Variants in TCERG1L observed in about 807,000 individuals in gnomAD.
The protein encoded by TCERG1L is transcription elongation regulator 1-like protein.
Under a neutral mutation model 56.3 loss-of-function variants are expected in TCERG1L, and 37 were observed. That is an observed-to-expected ratio of 0.66 (90% confidence interval 0.51 to 0.87). TCERG1L has a LOEUF of 0.87. TCERG1L is among the 40% of genes least tolerant of loss of function. The pLI, the probability that TCERG1L is intolerant of heterozygous loss-of-function variation, is 0.00. For synonymous variants in TCERG1L, 324 were observed against 326.3 expected, an observed-to-expected ratio of 0.99 and a Z score of 0.08; for missense variants, 799 against 774.2, an observed-to-expected ratio of 1.03 and a Z score of -0.38.
chr10:131,096,241 A>G (rs942487228), intron 11 of TCERG1L, among the ~76,000 whole-genome samples: 4 of 152,192 alleles, frequency 2.6e-5, no homozygotes, highest in African/African-American at 9.7e-5. Flanking sequence ...CAAGGCAGAG[A>G]AGGGGCTCCA....
Position 131,192,029 on chromosome 10 carries a change from G to A in TCERG1L, c.857-25144C>T, listed in dbSNP as rs1845309536. Among the ~76,000 whole-genome samples, 3 of 142,032 alleles carry A rather than the reference G, an allele frequency of 2.1e-5. 1 individual carries two copies. The highest frequency in any genetic ancestry group is 1.9e-4 in the East Asian group (1 of 5,178). The allele number at this position is 142,032 out of a possible 152,430, so 93.2% of individuals were successfully genotyped here. A position where few individuals can be genotyped will look rare whatever the true frequency, so the allele number is the denominator to read the frequency against. On this transcript the variant is annotated intron_variant, in intron 4 of 11. Transcript: ENST00000368642. ...AACAAAACCAAAAATAAATAAATGC[G>A]ACCTTATTAAACTAAAAAAGCTTCT...
intron 4 of TCERG1L, among the ~76,000 whole-genome samples, chr10:131,177,903 G>GA (rs1292954388): frequency 3.3e-5 from 5 of 151,052 alleles, no homozygotes; most frequent in Non-Finnish European, 5.9e-5. Flanking sequence ...ACTGCACACA[G>GA]GAGCCGTCAG....
At chr10:131,148,762 A>G (rs1353421133) in intron 6 of TCERG1L, among the ~76,000 whole-genome samples, 1 of 152,236 alleles carries the variant, frequency 6.6e-6, no homozygotes, top group Admixed American at 6.5e-5. Flanking sequence ...AGGCTCCAGA[A>G]GGATCCAGCC....
chr10:131,111,219 C>G, intron 9 of TCERG1L, among the ~76,000 whole-genome samples: 1 of 142,764 alleles, frequency 7.0e-6, no homozygotes, highest in Non-Finnish European at 1.6e-5. Flanking sequence ...GGCACACTCA[C>G]GTGCATCTGC....
chr10:131,299,089 T>G (rs1846729967), intron 3 of TCERG1L, among the ~76,000 whole-genome samples: 1 of 152,222 alleles, frequency 6.6e-6, no homozygotes, highest in Non-Finnish European at 1.5e-5. Flanking sequence ...TTTTTATCCC[T>G]AGTAATACTT....
chr10:131,207,670 G>A (rs151297099), intron 4 of TCERG1L, among the ~76,000 whole-genome samples: 194 of 152,290 alleles, frequency 1.3e-3, no homozygotes, highest in African/African-American at 4.4e-3. Flanking sequence ...AGATGTGTCC[G>A]CTTCCTGTGA....
Position 131,192,801 on chromosome 10 carries a change from A to G in TCERG1L, c.857-25916T>C, listed in dbSNP as rs1372248383. On this transcript the variant is annotated intron_variant, in intron 4 of 11. Coordinates refer to ENST00000368642, the MANE Select transcript of TCERG1L (RefSeq NM_174937.4). ...ATGTTCTCACTTATAAGTGGGAGCT[A>G]AGCTATGAGTATGCGAAAGCATACA... Among the ~76,000 whole-genome samples, 8 of 144,184 alleles carry G rather than the reference A, an allele frequency of 5.5e-5. 1 individual carries two copies. Among genetic ancestry groups the G allele is most frequent in the African/African-American group, 2.1e-4 (8 of 38,212 alleles). 94.6% of individuals were successfully genotyped at this position (144,184 alleles called of 152,430 possible).
chr10:131,143,424 C>T (rs7910178), intron 7 of TCERG1L, among the ~76,000 whole-genome samples: 30,038 of 152,108 alleles, frequency 0.2, 3,373 homozygotes, highest in Middle Eastern at 0.3. Context: ...TCCCTCGCCT[C>T]TCCTCCCTCC....
chr10:131,276,055 G>T (rs910487890), intron 3 of TCERG1L, among the ~76,000 whole-genome samples: 3 of 152,222 alleles, frequency 2.0e-5, no homozygotes, highest in Admixed American at 2.0e-4. Context: ...TATGCAGCAG[G>T]TGCTTAACAC....
At chr10:131,185,082 C>T (rs1023176102) in intron 4 of TCERG1L, among the ~76,000 whole-genome samples, 13 of 151,812 alleles carry the variant, frequency 8.6e-5, no homozygotes, top group South Asian at 6.3e-4. Flanking sequence ...GGTGACAGAG[C>T]GAGACCCTAT....
rs1417652630 is a variant in TCERG1L at position 131,309,203 on chromosome 10, C to A, written c.439G>T (p.Ala147Ser). The A allele has an allele frequency of 1.2e-6, 2 of 1,610,862 alleles. No individual in the cohort carries two copies. Among genetic ancestry groups the A allele is most frequent in the African/African-American group, 1.3e-5 (1 of 74,668 alleles). ...VFPHLCPSAL[A>S]TPIGKSWIDK... Reference sequence around the variant, plus strand: ...ATCCAACTTTTCCCAATAGGGGTTGCAAGAGCAGAAGGGCAGAGATGTGGG... The same window carrying A: ...ATCCAACTTTTCCCAATAGGGGTTGAAAGAGCAGAAGGGCAGAGATGTGGG... Residue 147 changes from alanine to serine, a missense_variant, in exon 2 of 12, where the codon GCA (alanine) becomes TCA (serine). Transcript: ENST00000368642.
chr10:131,206,602 C>T (rs1033534271), intron 4 of TCERG1L, among the ~76,000 whole-genome samples: 1 of 152,096 alleles, frequency 6.6e-6, no homozygotes, highest in Non-Finnish European at 1.5e-5. Flanking sequence ...CAGTGGGCAG[C>T]ATGTGAAGGA....
rs567044743 is a variant in TCERG1L at position 131,142,542 on chromosome 10, T to C, written c.1189+3964A>G. Among the ~76,000 whole-genome samples, 4 of 152,314 alleles carry C rather than the reference T, an allele frequency of 2.6e-5. No individual in the cohort carries two copies. In the East Asian group the frequency reaches 7.7e-4, roughly 29 times the overall value. On this transcript the variant is annotated intron_variant, in intron 7 of 11. Transcript: ENST00000368642. ...GCGTTTACAGAGCAATTAAGCCCAG[T>C]GAGGTTCATGTCATCTGCCCGCAGA...
At position 131,134,932 on chromosome 10, in the gene TCERG1L, A is replaced by T. The variant is rs1020698894; in HGVS notation, c.1190-484T>A. Among the ~76,000 whole-genome samples, 5 of 152,240 alleles carry T rather than the reference A, an allele frequency of 3.3e-5. No homozygotes were observed. In the South Asian group the frequency reaches 1.0e-3, roughly 32 times the overall value. On this transcript the variant is annotated intron_variant, in intron 7 of 11. Coordinates refer to ENST00000368642, the MANE Select transcript of TCERG1L (RefSeq NM_174937.4). ...AGATAACGAGATTCCCCTACCCCAC[A>T]TGTGGCCATGCCTCACTATGGACGC...
chr10:131,206,129 TAAG>T (rs952548025), intron 4 of TCERG1L, among the ~76,000 whole-genome samples: 5 of 152,234 alleles, frequency 3.3e-5, no homozygotes, highest in African/African-American at 1.2e-4. Flanking sequence ...GGCTCTGGAA[TAAG>T]AAGTACAGGC....
chr10:131,293,263 C>T (rs1395974888), intron 3 of TCERG1L, among the ~76,000 whole-genome samples: 1 of 152,136 alleles, frequency 6.6e-6, no homozygotes. Context: ...AAGCTAACTT[C>T]TGCATTGCTG....
intron 4 of TCERG1L, among the ~76,000 whole-genome samples, chr10:131,195,444 G>A (rs932327389): frequency 2.0e-5 from 3 of 152,202 alleles, no homozygotes; most frequent in African/African-American, 4.8e-5. Context: ...GGAAATCTCC[G>A]CTTTTCAAGG....
At chr10:131,158,314 GT>G (rs1261359540) in intron 6 of TCERG1L, among the ~76,000 whole-genome samples, 1 of 152,222 alleles carries the variant, frequency 6.6e-6, no homozygotes, top group Non-Finnish European at 1.5e-5. Context: ...TGCTGGAGGA[GT>G]TTCACCTTTG....
Position 131,217,623 on chromosome 10 carries a change from G to A in TCERG1L, c.856+42636C>T, listed in dbSNP as rs184386219. On this transcript the variant is annotated intron_variant, in intron 4 of 11. Transcript: ENST00000368642. ...TGTGTGCCCAGAAACCAGGACGGTG[G>A]CCAGGCAAGGCCCAGGGAACAATGG... Among the ~76,000 whole-genome samples, 373 of 151,924 alleles carry A rather than the reference G, an allele frequency of 2.5e-3. 1 individual carries two copies. Among genetic ancestry groups the A allele is most frequent in the African/African-American group, 8.6e-3 (358 of 41,394 alleles).
Sources: gnomAD v4.1 joint callset for allele counts (sites outside exome capture counted in the v4.1 genomes callset) on GRCh38, gnomAD v4.1.1 for gene constraint, MANE v1.5 for transcripts, NCBI Gene and HGNC (gene_info 2026-07-23, HGNC 2026-07-21) for gene names.